TOPAZ1: variants seen among roughly 807,000 people sequenced by gnomAD.
TOPAZ1 encodes protein TOPAZ1.
A neutral mutation model predicts 172.2 loss-of-function variants in TOPAZ1; 66 were observed. That is an observed-to-expected ratio of 0.38 (90% CI 0.31 to 0.47). TOPAZ1 has a LOEUF of 0.47. Ranked by LOEUF, TOPAZ1 falls within the 20% of genes least tolerant of loss-of-function variation. The probability of loss-of-function intolerance (pLI) is 0.99; values close to 1 mark genes in which losing one functional copy is unlikely to be tolerated. For missense variants in TOPAZ1, 1,822 were observed against 1,972.4 expected (o/e 0.92, Z 1.44); for synonymous variants, 681 against 683.9 (o/e 1.00, Z 0.07).
intron 9 of TOPAZ1, among the ~76,000 whole-genome samples, chr3:44,286,988 G>A (rs1700086586): frequency 6.6e-6 from 1 of 152,136 alleles, no homozygotes; most frequent in Non-Finnish European, 1.5e-5. Flanking sequence ...TGGGTTTAAA[G>A]CAACAAGCAT....
intron 12 of TOPAZ1, among the ~76,000 whole-genome samples, chr3:44,292,211 A>C (rs1453371418): frequency 6.6e-6 from 1 of 152,200 alleles, no homozygotes; most frequent in African/African-American, 2.4e-5. Flanking sequence ...TTAATTACTG[A>C]TAATTAACAA....
intron 5 of TOPAZ1, 70 bp from the exon 6 acceptor site, chr3:44,266,927 A>G: frequency 8.8e-7 from 1 of 1,136,532 alleles, no homozygotes; most frequent in Admixed American, 3.4e-5. Flanking sequence ...AATATCTGAT[A>G]TCTGCAAAGC....
intron 16 of TOPAZ1, among the ~76,000 whole-genome samples, 163 bp from the exon 17 acceptor site, chr3:44,320,864 A>G (rs1700500056): frequency 6.6e-6 from 1 of 152,200 alleles, no homozygotes; most frequent in Admixed American, 6.5e-5. Flanking sequence ...TCATCACTAT[A>G]TAAGTTATTT....
In TOPAZ1 at chr3:44,307,331, T is replaced by G. The variant is rs147426163; in HGVS notation, c.4140+905T>G. 2.1e-3 allele frequency among the ~76,000 whole-genome samples: 313 copies of G among 152,268 alleles called. 1 individual carries two copies. The highest frequency in any genetic ancestry group is 6.4e-3 in the African/African-American group (265 of 41,556). The stretch of plus-strand genomic sequence containing the variant: ...GCCACCATACCCAGCCAAGACACAT[T>G]TCTTAAGATGAACTCAGAATACTCA... On this transcript the variant is annotated intron_variant, in intron 15 of 19. Transcript: ENST00000309765.
At position 44,243,631 on chromosome 3, in the gene TOPAZ1, A is replaced by G; in HGVS notation, c.1125A>G (p.Lys375=). 6.5e-7 allele frequency: 1 copy of G among 1,550,142 alleles called. No individual in the cohort carries two copies. Among genetic ancestry groups the G allele is most frequent in the African/African-American group, 1.4e-5 (1 of 73,178 alleles). The change falls in exon 2 of 20, where the codon AAA becomes AAG. Residue 375 remains lysine (K), a synonymous_variant. Coordinates refer to ENST00000309765, the MANE Select transcript of TOPAZ1 (RefSeq NM_001145030.2). The stretch of plus-strand genomic sequence containing the variant: ...CTGATGGTAAAGAAGCAGAGACTAA[A>G]AGTCCTTTAAATGTTTTGAGAAAAG... ...MIADGKEAET[K]SPLNVLRKVS...
At chr3:44,302,215 T>C (rs1266422493) in intron 12 of TOPAZ1, among the ~76,000 whole-genome samples, 4 of 151,958 alleles carry the variant, frequency 2.6e-5, no homozygotes, top group East Asian at 1.9e-4. Context: ...TAGAGACCAT[T>C]CTGGCTAACA....
intron 16 of TOPAZ1, among the ~76,000 whole-genome samples, chr3:44,313,269 A>G (rs1226216779): frequency 6.6e-6 from 1 of 152,166 alleles, no homozygotes; most frequent in Non-Finnish European, 1.5e-5. Context: ...GGCAAATATC[A>G]ACAAATTTTC....
intron 9 of TOPAZ1, among the ~76,000 whole-genome samples, chr3:44,286,562 T>C (rs897947754): frequency 1.6e-4 from 24 of 152,242 alleles, no homozygotes; most frequent in African/African-American, 5.5e-4. Context: ...TTTTCATTTG[T>C]GCCACTGAAC....
chr3:44,246,938 C>T (rs1209583782), intron 2 of TOPAZ1, among the ~76,000 whole-genome samples: 2 of 152,192 alleles, frequency 1.3e-5, no homozygotes, highest in Non-Finnish European at 2.9e-5. Context: ...CAAGAGCAAA[C>T]TTCTCTGTTG....
At chr3:44,318,182 T>C (rs1700471040) in intron 16 of TOPAZ1, among the ~76,000 whole-genome samples, 1 of 152,066 alleles carries the variant, frequency 6.6e-6, no homozygotes, top group African/African-American at 2.4e-5. Flanking sequence ...GCATGGTGGC[T>C]CACGCCTGTA....
Position 44,306,082 on chromosome 3 carries a change from G to A in TOPAZ1, c.4040-244G>A, listed in dbSNP as rs1020815126. On this transcript the variant is annotated intron_variant, in intron 14 of 19. Transcript: ENST00000309765. ...GTTGGCAAACTTTCTGTAAAAAGCC[G>A]GATAGTAAATATTTTAGGCTTCGAA... 3.9e-5 allele frequency among the ~76,000 whole-genome samples: 6 copies of A among 152,100 alleles called. No individual in the cohort carries two copies. The South Asian group carries it at 8.3e-4, about 21-fold the overall frequency.
At chr3:44,253,553 G>A (rs898965249) in intron 2 of TOPAZ1, among the ~76,000 whole-genome samples, 5 of 152,118 alleles carry the variant, frequency 3.3e-5, no homozygotes, top group Non-Finnish European at 7.4e-5. Flanking sequence ...ATGCAAAAAA[G>A]CTGTATTGGG....
At chr3:44,253,029 T>C (rs1007634771) in intron 2 of TOPAZ1, among the ~76,000 whole-genome samples, 7 of 152,084 alleles carry the variant, frequency 4.6e-5, no homozygotes, top group African/African-American at 1.2e-4. Flanking sequence ...TTGAGGAAAA[T>C]TGAGACACCA....
At chr3:44,272,869 A>G (rs1481733732) in intron 8 of TOPAZ1, among the ~76,000 whole-genome samples, 1 of 152,164 alleles carries the variant, frequency 6.6e-6, no homozygotes, top group Non-Finnish European at 1.5e-5. Context: ...TCCGTTGCCC[A>G]TTTTTAAATT....
chr3:44,304,486 G>C (rs1443309633), intron 13 of TOPAZ1, among the ~76,000 whole-genome samples: 5 of 152,190 alleles, frequency 3.3e-5, no homozygotes, highest in Non-Finnish European at 7.4e-5. Flanking sequence ...CAACCATTTA[G>C]AGTATAAGAA....
chr3:44,316,433 A>G (rs1700452879), intron 16 of TOPAZ1, among the ~76,000 whole-genome samples: 1 of 152,180 alleles, frequency 6.6e-6, no homozygotes, highest in Non-Finnish European at 1.5e-5. Flanking sequence ...TGATGTGTAT[A>G]TCACACTTAG....
intron 18 of TOPAZ1, among the ~76,000 whole-genome samples, chr3:44,326,148 A>G (rs1351739694): frequency 2.6e-5 from 4 of 152,224 alleles, no homozygotes; most frequent in African/African-American, 4.8e-5. Flanking sequence ...TTATGTGTAT[A>G]TATGCATTCA....
chr3:44,321,265 C>T (rs1700503666), intron 17 of TOPAZ1, 74 bp downstream of exon 17: 1 of 1,064,938 alleles, frequency 9.4e-7, no homozygotes, highest in African/African-American at 1.7e-5. Flanking sequence ...AAATAGTTAT[C>T]CACCTGTTTT....
At chr3:44,288,312 G>T (rs146751915) in intron 11 of TOPAZ1, among the ~76,000 whole-genome samples, 1 of 152,070 alleles carries the variant, frequency 6.6e-6, no homozygotes, top group East Asian at 1.9e-4. Flanking sequence ...TCAAGCAGAA[G>T]AACAGATATG....
Sources: allele counts gnomAD v4.1 joint callset (sites outside exome capture counted in the v4.1 genomes callset), GRCh38; gene constraint gnomAD v4.1.1; transcripts MANE v1.5; gene names NCBI Gene and HGNC (gene_info 2026-07-23, HGNC 2026-07-21).